PARVA: variants seen among roughly 807,000 people sequenced by gnomAD.
PARVA encodes the protein parvin alpha, also known as alpha-parvin.
Under a neutral mutation model 52.6 loss-of-function variants are expected in PARVA, and 25 were observed. That is an observed-to-expected ratio of 0.48 (90% CI 0.35 to 0.66). The LOEUF (loss-of-function observed/expected upper bound fraction) is 0.66. PARVA is among the 30% of genes least tolerant of loss of function. The probability of loss-of-function intolerance (pLI) is 0.01; values close to 1 mark genes in which losing one functional copy is unlikely to be tolerated. For missense variants in PARVA, 373 were observed against 450.9 expected, an observed-to-expected ratio of 0.83 and a Z score of 1.56; for synonymous variants, 185 against 179.1, an observed-to-expected ratio of 1.03 and a Z score of -0.26.
chr11:12,504,440 T>TA lies in PARVA; in HGVS notation c.657+13dup. 1.3e-6 allele frequency: 2 copies of TA among 1,518,256 alleles called. No individual in the cohort carries two copies. Among genetic ancestry groups the TA allele is most frequent in the Non-Finnish European group, 1.8e-6 (2 of 1,093,054 alleles). The allele number at this position is 1,518,256 out of a possible 1,614,324, so 94.0% of individuals were successfully genotyped here. A position where few individuals can be genotyped will look rare whatever the true frequency, so the allele number is the denominator to read the frequency against. ...GTGGTTGTGGTCCAGGTAAGACAGG[T>TA]AACACTACAAACATCTGTGTCTTTA... On this transcript the variant is annotated intron_variant, in intron 6 of 12. Coordinates refer to ENST00000334956, the MANE Select transcript of PARVA (RefSeq NM_018222.5).
intron 1 of PARVA, among the ~76,000 whole-genome samples, chr11:12,393,506 C>T (rs1939692285): frequency 6.6e-6 from 1 of 152,088 alleles, no homozygotes; most frequent in Non-Finnish European, 1.5e-5. Flanking sequence ...GAGTTGTCTT[C>T]CACATGGTCA....
chr11:12,527,827 GT>G (rs748685965), intron 12 of PARVA, 21 bp from the exon 13 acceptor site: 2 of 1,584,736 alleles, frequency 1.3e-6, no homozygotes, highest in Non-Finnish European at 1.7e-6. Context: ...GAAACAATTG[GT>G]GTTTTTTGTT....
rs7128054 is a variant in PARVA at position 12,418,774 on chromosome 11, T to C, written c.136+40991T>C. On this transcript the variant is annotated intron_variant, in intron 1 of 12. Coordinates refer to ENST00000334956, the MANE Select transcript of PARVA (RefSeq NM_018222.5). ...CTGTGTTGAAAGTGGAAGTGGGGAG[T>C]TGAAGACTAAATGCCACAACATAGG... Among the ~76,000 whole-genome samples the C allele has an allele frequency of 9.2e-3, 1,399 of 152,094 alleles. 30 individuals carry two copies. Among genetic ancestry groups the C allele is most frequent in the African/African-American group, 0.032 (1,317 of 41,480 alleles).
At chr11:12,397,348 C>T (rs929671801) in intron 1 of PARVA, among the ~76,000 whole-genome samples, 7 of 152,346 alleles carry the variant, frequency 4.6e-5, no homozygotes, top group African/African-American at 1.4e-4. Context: ...CAGGCATGAG[C>T]CACTGCACCC....
intron 1 of PARVA, among the ~76,000 whole-genome samples, chr11:12,472,827 G>A (rs1940951151): frequency 6.6e-6 from 1 of 152,174 alleles, no homozygotes. Context: ...AAAAAGCAAG[G>A]GGATTTAAGT....
At chr11:12,522,890 G>A (rs909832509) in intron 12 of PARVA, among the ~76,000 whole-genome samples, 3 of 152,006 alleles carry the variant, frequency 2.0e-5, no homozygotes, top group Non-Finnish European at 2.9e-5. Context: ...CACGTATGTT[G>A]ATGCTAGGAC....
chr11:12,446,268 C>T (rs973582610), intron 1 of PARVA, among the ~76,000 whole-genome samples: 1 of 152,086 alleles, frequency 6.6e-6, no homozygotes, highest in Admixed American at 6.6e-5. Flanking sequence ...TACACAAATC[C>T]TAGGGAGGTA....
rs1278492794 is a variant in PARVA, at chr11:12,508,589, A to G, written c.663A>G (p.Arg221=). The G allele has an allele frequency of 6.2e-7, 1 of 1,608,714 alleles. No homozygotes were observed. Among genetic ancestry groups the G allele is most frequent in the Non-Finnish European group, 8.5e-7 (1 of 1,176,970 alleles). The change falls in exon 7 of 13, where the codon CGA becomes CGG. Residue 221 remains arginine, a synonymous_variant. Coordinates refer to ENST00000334956, the MANE Select transcript of PARVA (RefSeq NM_018222.5). ...VSIQVVVVQK[R]EGILQSRQIQ... ...TTTCCCCACCCCCATTTCAGAAACG[A>G]GAAGGAATCCTCCAGTCTCGGCAAA...
intron 1 of PARVA, among the ~76,000 whole-genome samples, chr11:12,398,969 C>T (rs1405891410): frequency 6.6e-6 from 1 of 152,062 alleles, no homozygotes; most frequent in Non-Finnish European, 1.5e-5. Context: ...CCTGCCGAAC[C>T]CTATACGTAA....
At chr11:12,497,723 C>G (rs1277289224) in intron 5 of PARVA, among the ~76,000 whole-genome samples, 2 of 152,162 alleles carry the variant, frequency 1.3e-5, no homozygotes, top group Non-Finnish European at 2.9e-5. Context: ...TAGATGCTAT[C>G]AAGGAGAGGG....
intron 1 of PARVA, among the ~76,000 whole-genome samples, chr11:12,438,110 A>T (rs1940413095): frequency 6.6e-6 from 1 of 152,032 alleles, no homozygotes; most frequent in Admixed American, 6.5e-5. Flanking sequence ...AATACAAAAA[A>T]TTAGCCGGGC....
At position 12,477,814 on chromosome 11, in the gene PARVA, A is replaced by C. The variant is rs774450445; in HGVS notation, c.298-33A>C. ...GAAAATACCCCATAACTCTTTTCTT[A>C]CTATTGCACATTCCCTTTCTCTCTC... On this transcript the variant is annotated intron_variant, in intron 3 of 12. Transcript: ENST00000334956. 3.6e-6 allele frequency: 4 copies of C among 1,111,794 alleles called. No individual in the cohort carries two copies. The Admixed American group carries it at 6.8e-5, about 19-fold the overall frequency. The allele number at this position is 1,111,794 out of a possible 1,614,324, so 68.9% of individuals were successfully genotyped here.
intron 12 of PARVA, among the ~76,000 whole-genome samples, chr11:12,519,465 G>A (rs1432480616): frequency 6.6e-6 from 1 of 152,148 alleles, no homozygotes; most frequent in Non-Finnish European, 1.5e-5. Context: ...GAGAAAAGTT[G>A]GAGCCAGTTA....
intron 8 of PARVA, chr11:12,513,076 T>G: frequency 2.9e-6 from 2 of 681,164 alleles, no homozygotes; most frequent in South Asian, 3.0e-5. Flanking sequence ...AATCCAATAA[T>G]GTACACATGC....
chr11:12,453,918 G>A (rs1940659214), intron 1 of PARVA, among the ~76,000 whole-genome samples: 1 of 152,174 alleles, frequency 6.6e-6, no homozygotes, highest in African/African-American at 2.4e-5. Context: ...TATTGTGGGG[G>A]ACACAGCATC....
intron 1 of PARVA, among the ~76,000 whole-genome samples, chr11:12,413,475 A>G (rs887939402): frequency 2.0e-5 from 3 of 152,332 alleles, no homozygotes; most frequent in Admixed American, 2.0e-4. Flanking sequence ...CCTAGCATTC[A>G]TGTAGGCAAA....
At chr11:12,444,838 G>C (rs1426821953) in intron 1 of PARVA, among the ~76,000 whole-genome samples, 2 of 152,212 alleles carry the variant, frequency 1.3e-5, no homozygotes, top group Admixed American at 6.5e-5. Context: ...CTAGGACAGG[G>C]TAGAACCAAG....
chr11:12,410,643 C>T (rs554657375), intron 1 of PARVA, among the ~76,000 whole-genome samples: 11 of 152,328 alleles, frequency 7.2e-5, no homozygotes, highest in African/African-American at 1.4e-4. Flanking sequence ...CCAGTGCCTA[C>T]GCCAGCCCAT....
intron 1 of PARVA, chr11:12,398,130 C>G (rs1343183547): frequency 6.6e-6 from 1 of 152,130 alleles, no homozygotes; most frequent in East Asian, 1.9e-4. Context: ...GCTCCACCAA[C>G]CCCCAGCCAA....
Sources: gnomAD v4.1 joint callset for allele counts (sites outside exome capture counted in the v4.1 genomes callset) on GRCh38, gnomAD v4.1.1 for gene constraint, MANE v1.5 for transcripts, NCBI Gene and HGNC (gene_info 2026-07-23, HGNC 2026-07-21) for gene names.